RNF217: variants seen among roughly 807,000 people sequenced by gnomAD.
The protein encoded by RNF217 is ring finger protein 217.
In RNF217, 31 loss-of-function variants were observed where a neutral mutation model predicts 57.8. The ratio of observed to expected loss-of-function variants is 0.54; its 90% CI spans 0.40 to 0.72. The LOEUF (loss-of-function observed/expected upper bound fraction) is 0.72, where lower values mean the gene tolerates loss of function less well. RNF217 is among the 30% of genes least tolerant of loss of function. The pLI, the probability that RNF217 is intolerant of heterozygous loss-of-function variation, is 0.00. For missense variants in RNF217, 696 were observed against 708.3 expected, an observed-to-expected ratio of 0.98 and a Z score of 0.20; for synonymous variants, 313 against 294.0, an observed-to-expected ratio of 1.06 and a Z score of -0.66.
intron 1 of RNF217, chr6:124,971,440 A>G: frequency 3.3e-6 from 1 of 307,374 alleles, no homozygotes; most frequent in Non-Finnish European, 6.4e-6. Flanking sequence ...GATTTGATTT[A>G]CTGTTAAGTT....
At chr6:125,071,432 A>G (rs1315920373) in intron 3 of RNF217, among the ~76,000 whole-genome samples, 1 of 149,592 alleles carries the variant, frequency 6.7e-6, no homozygotes, top group Non-Finnish European at 1.5e-5. Flanking sequence ...CATGTCTACA[A>G]ATTGCCCATT....
chr6:125,065,823 G>A (rs1787912454), intron 3 of RNF217, among the ~76,000 whole-genome samples: 1 of 152,134 alleles, frequency 6.6e-6, no homozygotes, highest in Admixed American at 6.6e-5. Context: ...TTAGCTGTTG[G>A]CTCAGTCGGT....
chr6:125,012,257 C>T (rs1785441252), intron 1 of RNF217, among the ~76,000 whole-genome samples: 1 of 152,046 alleles, frequency 6.6e-6, no homozygotes, highest in Non-Finnish European at 1.5e-5. Flanking sequence ...TAAGAGCTAT[C>T]CTGGTAAGCA....
At chr6:124,984,540 TCAAA>T (rs1784301580) in intron 1 of RNF217, among the ~76,000 whole-genome samples, 1 of 59,772 alleles carries the variant, frequency 1.7e-5, no homozygotes, top group African/African-American at 7.0e-5. Context: ...AGACCCTTTC[TCAAA>T]AAAAAAAAAA....
At position 125,085,642 on chromosome 6, in the gene RNF217, T is replaced by A. The variant is rs1205336073; in HGVS notation, c.*2705T>A. 8 of 152,000 alleles carry A rather than the reference T, an allele frequency of 5.3e-5. No individual in the cohort carries two copies. The highest frequency in any genetic ancestry group is 7.4e-5 in the Non-Finnish European group (5 of 67,814). The allele number at this position is 152,000 out of a possible 1,614,324, so 9.4% of individuals were successfully genotyped here. ...CATTTTATATGCTTTTATTGTAAAT[T>A]TAATATATACTACTTTAAAAAATTG... On this transcript the variant is annotated 3_prime_UTR_variant, in exon 6 of 6. Transcript: ENST00000521654.
chr6:124,983,872 G>A (rs1784269546), intron 1 of RNF217, among the ~76,000 whole-genome samples: 2 of 152,136 alleles, frequency 1.3e-5, no homozygotes, highest in Admixed American at 6.5e-5. Flanking sequence ...TCACAATTCT[G>A]TAAGCTGAGA....
chr6:125,048,128 C>T (rs867395299), intron 2 of RNF217: 3 of 1,148,536 alleles, frequency 2.6e-6, no homozygotes, highest in African/African-American at 1.6e-5. Flanking sequence ...GGTTTACATG[C>T]CCATACCTGT....
intron 1 of RNF217, among the ~76,000 whole-genome samples, chr6:125,029,418 A>G (rs1786251230): frequency 6.6e-6 from 1 of 152,230 alleles, no homozygotes; most frequent in Non-Finnish European, 1.5e-5. Flanking sequence ...GAAGTAATGA[A>G]TAGAAGCCAG....
chr6:125,012,139 C>A (rs1452991515), intron 1 of RNF217, among the ~76,000 whole-genome samples: 3 of 151,968 alleles, frequency 2.0e-5, no homozygotes, highest in African/African-American at 7.2e-5. Context: ...CAATAAGAAA[C>A]TACCAAGGAA....
intron 1 of RNF217, among the ~76,000 whole-genome samples, chr6:124,995,938 C>T (rs1241883026): frequency 1.3e-5 from 2 of 151,662 alleles, no homozygotes; most frequent in Non-Finnish European, 2.9e-5. Flanking sequence ...GAAAAAGAAT[C>T]AAGAAAAGAA....
chr6:124,963,751 A>G (rs1373356003), intron 1 of RNF217, among the ~76,000 whole-genome samples: 1 of 152,234 alleles, frequency 6.6e-6, no homozygotes, highest in East Asian at 1.9e-4. Context: ...AGACTGCCTC[A>G]TCGGCCTGGT....
intron 1 of RNF217, among the ~76,000 whole-genome samples, chr6:125,032,966 T>C (rs909434784): frequency 1.3e-5 from 2 of 152,186 alleles, no homozygotes; most frequent in Admixed American, 6.5e-5. Flanking sequence ...GATAACTCTT[T>C]CCAAATTACA....
At chr6:124,979,232 G>T (rs1333622642) in intron 1 of RNF217, among the ~76,000 whole-genome samples, 1 of 152,156 alleles carries the variant, frequency 6.6e-6, no homozygotes, top group Non-Finnish European at 1.5e-5. Context: ...GCTGATTGTT[G>T]ACTTAAGGTG....
At chr6:125,022,152 G>T (rs1362212102) in intron 1 of RNF217, among the ~76,000 whole-genome samples, 5 of 152,176 alleles carry the variant, frequency 3.3e-5, no homozygotes, top group Non-Finnish European at 5.9e-5. Flanking sequence ...AAAGTGCTGG[G>T]ATTACAGGCC....
At chr6:125,053,168 A>C (rs1303234166) in intron 2 of RNF217, among the ~76,000 whole-genome samples, 1 of 152,074 alleles carries the variant, frequency 6.6e-6, no homozygotes, top group Admixed American at 6.6e-5. Context: ...TTCCAGCTTC[A>C]CTGAAGCCTC....
At chr6:125,058,701 A>G (rs1787614303) in intron 3 of RNF217, among the ~76,000 whole-genome samples, 1 of 152,142 alleles carries the variant, frequency 6.6e-6, no homozygotes, top group African/African-American at 2.4e-5. Context: ...GCTCAGACCT[A>G]GATGTGTTGA....
intron 1 of RNF217, among the ~76,000 whole-genome samples, chr6:125,001,612 G>T (rs894802000): frequency 1.4e-4 from 22 of 152,168 alleles, no homozygotes; most frequent in African/African-American, 5.3e-4. Flanking sequence ...AATCACAGTT[G>T]TTAAAATTAG....
chr6:124,981,676 C>G (rs190015645), intron 1 of RNF217, among the ~76,000 whole-genome samples: 109 of 152,134 alleles, frequency 7.2e-4, no homozygotes, highest in Non-Finnish European at 7.6e-4. Context: ...TGTGAAGATA[C>G]GCTATCATAT....
At chr6:125,055,703 T>C (rs1034139688) in intron 2 of RNF217, among the ~76,000 whole-genome samples, 12 of 152,188 alleles carry the variant, frequency 7.9e-5, no homozygotes, top group Non-Finnish European at 1.6e-4. Context: ...CGAATTAACT[T>C]TTCAGGTGTT....
Sources: gnomAD v4.1 joint callset for allele counts (sites outside exome capture counted in the v4.1 genomes callset) on GRCh38, gnomAD v4.1.1 for gene constraint, MANE v1.5 for transcripts, NCBI Gene and HGNC (gene_info 2026-07-23, HGNC 2026-07-21) for gene names.